MAGI1: variants seen among roughly 807,000 people sequenced by gnomAD.
MAGI1 encodes the protein membrane-associated guanylate kinase, WW and PDZ domain-containing protein 1.
Under a neutral mutation model 139.9 loss-of-function variants are expected in MAGI1, and 58 were observed. That is an observed-to-expected ratio of 0.41 (90% CI 0.34 to 0.52). MAGI1 has a LOEUF of 0.52. Ranked by LOEUF, MAGI1 falls within the 20% of genes least tolerant of loss-of-function variation. MAGI1 has a pLI of 0.12. For synonymous variants in MAGI1, 812 were observed against 737.9 expected, an observed-to-expected ratio of 1.10 and a Z score of -1.63; for missense variants, 1,874 against 1,901.6, an observed-to-expected ratio of 0.99 and a Z score of 0.27.
At chr3:65,444,691 T>G (rs1188649601) in intron 7 of MAGI1, among the ~76,000 whole-genome samples, 1 of 152,140 alleles carries the variant, frequency 6.6e-6, no homozygotes, top group African/African-American at 2.4e-5. Context: ...TGTGCTTTGA[T>G]GGAGGGCCGA....
chr3:65,636,883 C>CA (rs1320064931), intron 1 of MAGI1, among the ~76,000 whole-genome samples: 2 of 152,290 alleles, frequency 1.3e-5, no homozygotes, highest in Admixed American at 6.5e-5. Context: ...AGTACAAAAA[C>CA]AAAAAACTTC....
At chr3:65,587,247 T>G (rs1016262243) in intron 2 of MAGI1, among the ~76,000 whole-genome samples, 1 of 152,182 alleles carries the variant, frequency 6.6e-6, no homozygotes, top group East Asian at 1.9e-4. Context: ...CTGAACATCA[T>G]AGCTTAGGCT....
intron 2 of MAGI1, among the ~76,000 whole-genome samples, chr3:65,539,249 C>A (rs2079097447): frequency 6.6e-6 from 1 of 152,068 alleles, no homozygotes; most frequent in African/African-American, 2.4e-5. Context: ...GAAACATGCA[C>A]CAAGTACCAA....
intron 1 of MAGI1, among the ~76,000 whole-genome samples, chr3:65,908,749 G>A (rs922194021): frequency 6.6e-6 from 1 of 152,142 alleles, no homozygotes; most frequent in African/African-American, 2.4e-5. Context: ...CTTCCCCTCT[G>A]GAAAATGTGG....
chr3:66,024,600 A>C (rs1473272867), intron 1 of MAGI1, among the ~76,000 whole-genome samples: 1 of 152,146 alleles, frequency 6.6e-6, no homozygotes, highest in African/African-American at 2.4e-5. Flanking sequence ...TGAGGTCGGG[A>C]GTTCAAGACC....
At chr3:65,856,231 T>G in intron 1 of MAGI1, among the ~76,000 whole-genome samples, 1 of 152,106 alleles carries the variant, frequency 6.6e-6, no homozygotes, top group East Asian at 1.9e-4. Flanking sequence ...GGCATCGCCC[T>G]CGGGTTGGGG....
intron 13 of MAGI1, among the ~76,000 whole-genome samples, chr3:65,396,005 A>C (rs1473125951): frequency 6.6e-6 from 1 of 152,114 alleles, no homozygotes; most frequent in African/African-American, 2.4e-5. Flanking sequence ...TACCCAGGAA[A>C]AGAACAAGTG....
chr3:65,478,564 A>C, intron 4 of MAGI1, 28 bp downstream of exon 4: 2 of 1,604,220 alleles, frequency 1.2e-6, no homozygotes, highest in Non-Finnish European at 1.7e-6. Context: ...CCCCAGGTCC[A>C]TTGAGGGCAA....
At chr3:65,974,430 G>GATGGATGA in intron 1 of MAGI1, among the ~76,000 whole-genome samples, 1 of 151,658 alleles carries the variant, frequency 6.6e-6, no homozygotes, top group East Asian at 1.9e-4. Context: ...TGGATGGATG[G>GATGGATGA]ATGGATGCAT....
chr3:65,785,606 CAT>C (rs1211727486), intron 1 of MAGI1, among the ~76,000 whole-genome samples: 1 of 152,110 alleles, frequency 6.6e-6, no homozygotes, highest in Non-Finnish European at 1.5e-5. Flanking sequence ...GGAAATGAAA[CAT>C]GTTATAAATA....
At chr3:65,905,273 A>G (rs999998373) in intron 1 of MAGI1, among the ~76,000 whole-genome samples, 8 of 152,212 alleles carry the variant, frequency 5.3e-5, no homozygotes, top group Non-Finnish European at 1.0e-4. Context: ...GATAATAAAA[A>G]TTAATGACCA....
intron 1 of MAGI1, among the ~76,000 whole-genome samples, chr3:65,633,055 A>G (rs1257600508): frequency 1.3e-5 from 2 of 152,192 alleles, no homozygotes; most frequent in Non-Finnish European, 2.9e-5. Flanking sequence ...GTGGAGGTTC[A>G]GCAATCTGTG....
intron 1 of MAGI1, among the ~76,000 whole-genome samples, chr3:65,978,632 T>TTC (rs1222124121): frequency 1.3e-5 from 2 of 149,598 alleles, no homozygotes; most frequent in African/African-American, 4.9e-5. Context: ...TTTTTTTTTT[T>TTC]TTTTTTTCTT....
intron 2 of MAGI1, among the ~76,000 whole-genome samples, chr3:65,542,790 A>G (rs1230299529): frequency 2.6e-5 from 4 of 152,188 alleles, no homozygotes; most frequent in Admixed American, 6.5e-5. Flanking sequence ...ACCTAAAACC[A>G]TAAAACCATA....
chr3:65,407,841 T>C (rs1393280996), intron 12 of MAGI1, among the ~76,000 whole-genome samples: 2 of 152,200 alleles, frequency 1.3e-5, no homozygotes, highest in Non-Finnish European at 2.9e-5. Context: ...GCAGCCAATA[T>C]GTAGCATGCC....
chr3:66,038,446 CT>C lies in MAGI1; in HGVS notation c.-139del, dbSNP rs2069060343. On this transcript the variant is annotated 5_prime_UTR_variant, in exon 1 of 23. Transcript: ENST00000402939. ...AAACAGGAGAGAGAAACTTGGCAGC[CT>C]CGCTCCCCTGCACACGCTCGCGCAC... 2 of 1,220,460 alleles carry C rather than the reference CT, an allele frequency of 1.6e-6. No individual in the cohort carries two copies. The highest frequency in any genetic ancestry group is 3.1e-5 in the Admixed American group (1 of 31,834). The allele number at this position is 1,220,460 out of a possible 1,614,324, so 75.6% of individuals were successfully genotyped here. A position where few individuals can be genotyped will look rare whatever the true frequency, so the allele number is the denominator to read the frequency against.
chr3:65,627,714 G>C (rs913613847), intron 1 of MAGI1, among the ~76,000 whole-genome samples: 6 of 151,632 alleles, frequency 4.0e-5, no homozygotes, highest in African/African-American at 1.2e-4. Context: ...CACCGTGCTA[G>C]CCAGGTTGGT....
chr3:65,678,556 C>G (rs1042771836), intron 1 of MAGI1, among the ~76,000 whole-genome samples: 2 of 152,004 alleles, frequency 1.3e-5, no homozygotes, highest in African/African-American at 4.8e-5. Flanking sequence ...GTGGAGGGAA[C>G]AGATCATGTC....
intron 1 of MAGI1, among the ~76,000 whole-genome samples, chr3:65,707,659 C>A (rs1388266635): frequency 7.9e-6 from 1 of 126,750 alleles, no homozygotes; most frequent in Non-Finnish European, 1.6e-5. Context: ...CACTGCACGG[C>A]AAACTGGGTG....
Sources: gnomAD v4.1 joint callset for allele counts (sites outside exome capture counted in the v4.1 genomes callset) on GRCh38, gnomAD v4.1.1 for gene constraint, MANE v1.5 for transcripts, NCBI Gene and HGNC (gene_info 2026-07-23, HGNC 2026-07-21) for gene names.